The following CLPB variants were observed in gnomAD, a reference collection of about 807,000 sequenced individuals.
CLPB encodes the protein mitochondrial disaggregase.
Under a neutral mutation model 78.4 loss-of-function variants are expected in CLPB, and 40 were observed. The ratio of observed to expected loss-of-function variants is 0.51; its 90% CI spans 0.40 to 0.66. The LOEUF (loss-of-function observed/expected upper bound fraction) is 0.66. Ranked by LOEUF, CLPB falls within the 30% of genes least tolerant of loss-of-function variation. The pLI is 0.00. For missense variants in CLPB, 780 were observed against 886.9 expected (o/e 0.88, Z 1.53); for synonymous variants, 333 against 348.0 (o/e 0.96, Z 0.48).
At chr11:72,416,406 A>T (rs770442514) in intron 2 of CLPB, among the ~76,000 whole-genome samples, 2 of 152,158 alleles carry the variant, frequency 1.3e-5, no homozygotes, top group Non-Finnish European at 2.9e-5. Flanking sequence ...AATGCCTAAT[A>T]AGAAATTGCT....
At chr11:72,396,177 G>A (rs897080355) in intron 3 of CLPB, among the ~76,000 whole-genome samples, 4 of 152,064 alleles carry the variant, frequency 2.6e-5, no homozygotes, top group East Asian at 1.9e-4. Context: ...TGGCAAATGC[G>A]TGTTATCCAC....
intron 5 of CLPB, among the ~76,000 whole-genome samples, chr11:72,348,319 C>T (rs981293033): frequency 5.3e-5 from 8 of 152,210 alleles, no homozygotes; most frequent in African/African-American, 1.7e-4. Flanking sequence ...AAACAACAGA[C>T]AGTCACTTCA....
intron 4 of CLPB, among the ~76,000 whole-genome samples, chr11:72,372,225 G>A (rs1565468260): frequency 6.6e-6 from 1 of 152,314 alleles, no homozygotes; most frequent in East Asian, 1.9e-4. Context: ...GCATTTGGAA[G>A]GCTGTGTCAA....
chr11:72,373,090 C>T, intron 4 of CLPB: 1 of 1,287,166 alleles, frequency 7.8e-7, no homozygotes, highest in Non-Finnish European at 1.1e-6. Flanking sequence ...GAAGGGGGCA[C>T]TCAGGCTGGT....
At chr11:72,295,897 C>T (rs1321426523) in intron 11 of CLPB, among the ~76,000 whole-genome samples, 3 of 152,246 alleles carry the variant, frequency 2.0e-5, no homozygotes, top group African/African-American at 7.2e-5. Context: ...CAGTTGCTCT[C>T]TGGCATCTCT....
In CLPB at chr11:72,381,562, G is replaced by A. The variant is rs117722533; in HGVS notation, c.543-1178C>T. ...ATTCAATCTCCAGGCCCATCCTAGC[G>A]CCAGGGCAGCCTTGGTGGCCCAGGG... On this transcript the variant is annotated intron_variant, in intron 3 of 15. Coordinates refer to ENST00000538039, the MANE Select transcript of CLPB (RefSeq NM_001258392.3). Among the ~76,000 whole-genome samples, 172 of 152,020 alleles carry A rather than the reference G, an allele frequency of 1.1e-3. 1 individual carries two copies. In the East Asian group the frequency reaches 0.023, roughly 20 times the overall value.
In CLPB at chr11:72,400,982, G is replaced by A. The variant is rs555172703; in HGVS notation, c.542+1984C>T. Among the ~76,000 whole-genome samples, 5 of 152,240 alleles carry A rather than the reference G, an allele frequency of 3.3e-5. No individual in the cohort carries two copies. In the East Asian group the frequency reaches 9.7e-4, roughly 29 times the overall value. Reference sequence around the variant, plus strand: ...CTCGGATTCTGCAAACACTAGCACAGGGCCTGGCTCAAGGCAGATATTTAC... The same window carrying A: ...CTCGGATTCTGCAAACACTAGCACAAGGCCTGGCTCAAGGCAGATATTTAC... On this transcript the variant is annotated intron_variant, in intron 3 of 15. Transcript: ENST00000538039.
intron 2 of CLPB, among the ~76,000 whole-genome samples, chr11:72,403,890 T>C (rs550140929): frequency 6.6e-6 from 1 of 152,350 alleles, no homozygotes; most frequent in East Asian, 1.9e-4. Flanking sequence ...GAACTCTTAC[T>C]GAGCACCTTC....
intron 2 of CLPB, among the ~76,000 whole-genome samples, chr11:72,427,484 T>C (rs760697016): frequency 4.6e-5 from 7 of 152,196 alleles, no homozygotes; most frequent in Non-Finnish European, 1.5e-5. Flanking sequence ...ATGTATGAGG[T>C]GGTCTTATAA....
chr11:72,403,007 G>A lies in CLPB; in HGVS notation c.501C>T (p.Gly167=). The change falls in exon 3 of 16, where the codon GGC becomes GGT. Residue 167 remains glycine, a synonymous_variant. Transcript: ENST00000538039. ...GADVNAKHRL[G]WTALMVAAIN... ...TGGCTGCCACCATGAGTGCTGTCCA[G>A]CCAAGTCTGTGCTTTGCATTGACAT... The A allele has an allele frequency of 6.2e-7, 1 of 1,613,796 alleles. No individual in the cohort carries two copies. The highest frequency in any genetic ancestry group is 1.1e-5 in the South Asian group (1 of 91,052).
intron 9 of CLPB, chr11:72,304,164 G>A (rs1167147257): frequency 6.6e-6 from 1 of 152,178 alleles, no homozygotes; most frequent in Non-Finnish European, 1.5e-5. Flanking sequence ...TGACTTTCTT[G>A]GCCGGAATCA....
chr11:72,423,586 A>G (rs75531442), intron 2 of CLPB, among the ~76,000 whole-genome samples: 1 of 152,056 alleles, frequency 6.6e-6, no homozygotes, highest in Non-Finnish European at 1.5e-5. Flanking sequence ...CCAGCATCCA[A>G]CACAGATCTC....
chr11:72,388,550 C>T (rs761648149), intron 3 of CLPB, among the ~76,000 whole-genome samples: 1 of 152,054 alleles, frequency 6.6e-6, no homozygotes, highest in African/African-American at 2.4e-5. Context: ...CATACCCGGC[C>T]CTCCCTTCAC....
At chr11:72,380,220 CA>C (rs2135676872) in intron 4 of CLPB, 60 bp downstream of exon 4, 2 of 1,286,644 alleles carry the variant, frequency 1.6e-6, no homozygotes, top group East Asian at 4.6e-5. Flanking sequence ...CACCACAGAG[CA>C]AGGCTGCATG....
chr11:72,410,123 A>G (rs1855833649), intron 2 of CLPB, among the ~76,000 whole-genome samples: 2 of 152,164 alleles, frequency 1.3e-5, no homozygotes. Flanking sequence ...CAAGCTACTC[A>G]GGAGGCTGAA....
At chr11:72,388,281 C>A (rs1326677478) in intron 3 of CLPB, among the ~76,000 whole-genome samples, 1 of 145,722 alleles carries the variant, frequency 6.9e-6, no homozygotes, top group Middle Eastern at 3.5e-3. Flanking sequence ...GACAGAATCT[C>A]GCTTTGTCGC....
At chr11:72,321,510 T>A (rs1378238361) in intron 6 of CLPB, among the ~76,000 whole-genome samples, 4 of 152,294 alleles carry the variant, frequency 2.6e-5, no homozygotes, top group South Asian at 4.1e-4. Context: ...AGGAAAGGGC[T>A]GGGAGGCCGA....
At position 72,317,158 on chromosome 11, in the gene CLPB, T is replaced by C; in HGVS notation, c.936A>G (p.Arg312=). 1.2e-6 allele frequency: 2 copies of C among 1,612,660 alleles called. No individual in the cohort carries two copies. Among genetic ancestry groups the C allele is most frequent in the South Asian group, 2.2e-5 (2 of 90,854 alleles). ...EERRRFPLEQ[R]LKEHIIGQES... Reference sequence around the variant, plus strand: ...CCTGGCCAATGATGTGCTCCTTTAGTCGCTGCTCCAGGGGGAAGCGGCGCC... The same window carrying C: ...CCTGGCCAATGATGTGCTCCTTTAGCCGCTGCTCCAGGGGGAAGCGGCGCC... Residue 312 remains arginine, a synonymous_variant, in exon 7 of 16, where the codon CGA becomes CGG. Transcript: ENST00000538039.
intron 6 of CLPB, 107 bp from the exon 7 acceptor site, chr11:72,317,327 CT>C: frequency 1.3e-6 from 1 of 765,852 alleles, no homozygotes; most frequent in Non-Finnish European, 2.0e-6. Flanking sequence ...TCCAGGGGTC[CT>C]GCTTCATAGC....
Sources: allele counts gnomAD v4.1 joint callset (sites outside exome capture counted in the v4.1 genomes callset), GRCh38; gene constraint gnomAD v4.1.1; transcripts MANE v1.5; gene names NCBI Gene and HGNC (gene_info 2026-07-23, HGNC 2026-07-21).